Variants in GOLGA3 observed in about 807,000 individuals in gnomAD.
GOLGA3 encodes golgin A3.
A neutral mutation model predicts 169.4 loss-of-function variants in GOLGA3; 75 were observed. The observed-to-expected ratio is 0.44, with a 90% CI of 0.37 to 0.54. GOLGA3 has a LOEUF of 0.54. Among genes scored for constraint, GOLGA3 ranks in the 20% least tolerant of loss-of-function variants. The pLI, the probability that GOLGA3 is intolerant of heterozygous loss-of-function variation, is 0.00. For synonymous variants in GOLGA3, 824 were observed against 822.4 expected, an observed-to-expected ratio of 1.00 and a Z score of -0.03; for missense variants, 1,899 against 1,930.0, an observed-to-expected ratio of 0.98 and a Z score of 0.30.
intron 15 of GOLGA3, among the ~76,000 whole-genome samples, chr12:132,785,430 T>G (rs1432581777): frequency 1.3e-5 from 2 of 152,248 alleles, no homozygotes; most frequent in African/African-American, 2.4e-5. Flanking sequence ...CCCACCTCAG[T>G]GTCTCAAGCA....
intron 12 of GOLGA3, 52 bp from the exon 13 acceptor site, chr12:132,789,342 C>A (rs750276933): frequency 6.8e-7 from 1 of 1,477,100 alleles, no homozygotes; most frequent in Admixed American, 2.2e-5. Flanking sequence ...GCGTGGGGGG[C>A]GTACCTGGGG....
intron 8 of GOLGA3, among the ~76,000 whole-genome samples, chr12:132,801,499 T>C (rs1361644348): frequency 7.9e-5 from 12 of 151,998 alleles, no homozygotes; most frequent in Non-Finnish European, 1.6e-4. Flanking sequence ...CACCGGCATG[T>C]GTCACCATGC....
chr12:132,812,030 A>G (rs1401444580), intron 4 of GOLGA3, among the ~76,000 whole-genome samples: 2 of 150,150 alleles, frequency 1.3e-5, no homozygotes, highest in East Asian at 3.9e-4. Flanking sequence ...AAAACATTAA[A>G]AAAAAAAAGT....
intron 1 of GOLGA3, chr12:132,825,842 A>G (rs757547512): frequency 1.1e-5 from 11 of 1,034,744 alleles, no homozygotes; most frequent in African/African-American, 7.8e-5. Context: ...CAAGACACCC[A>G]AAGAGGCTAC....
chr12:132,807,341 A>C, intron 5 of GOLGA3, 53 bp from the exon 6 acceptor site: 1 of 892,028 alleles, frequency 1.1e-6, no homozygotes, highest in Non-Finnish European at 1.7e-6. Context: ...ATTTTCTTTC[A>C]CACTCCTCCA....
In GOLGA3 at chr12:132,778,464, A is replaced by G. The variant is rs575216259; in HGVS notation, c.3583-659T>C. 4.3e-3 allele frequency among the ~76,000 whole-genome samples: 638 copies of G among 150,104 alleles called. 3 individuals are homozygous for G. Among genetic ancestry groups the G allele is most frequent in the Non-Finnish European group, 6.6e-3 (449 of 67,562 alleles). On this transcript the variant is annotated intron_variant, in intron 18 of 23. Transcript: ENST00000450791. Reference sequence around the variant, plus strand: ...CGGGCACCTGTAGTCCCAGCTACTCAGGAGGCTGAGGCAGGAGAATGGCGT... The same window carrying G: ...CGGGCACCTGTAGTCCCAGCTACTCGGGAGGCTGAGGCAGGAGAATGGCGT...
chr12:132,789,663 G>A (rs1593275053), intron 12 of GOLGA3, among the ~76,000 whole-genome samples: 1 of 68,766 alleles, frequency 1.5e-5, no homozygotes, highest in African/African-American at 4.3e-5. Context: ...CCGCTTCAGG[G>A]GCCGCCCTTG....
In GOLGA3 at chr12:132,773,041, T is replaced by TCAAATAAATAA; in HGVS notation, c.*53_*63dup. The TCAAATAAATAA allele has an allele frequency of 8.6e-7, 1 of 1,168,150 alleles. No individual in the cohort carries two copies. Among genetic ancestry groups the TCAAATAAATAA allele is most frequent in the Non-Finnish European group, 1.2e-6 (1 of 848,616 alleles). 72.4% of individuals were successfully genotyped at this position (1,168,150 alleles called of 1,614,324 possible). A position where few individuals can be genotyped will look rare whatever the true frequency, so the allele number is the denominator to read the frequency against. ...TCTTAGAAAAACATCGACCACACAA[T>TCAAATAAATAA]CAAATAAATAACATTGATAAGAGCC... On this transcript the variant is annotated 3_prime_UTR_variant, in exon 24 of 24. Transcript: ENST00000450791.
In GOLGA3 at chr12:132,796,167, C is replaced by T; in HGVS notation, c.2154G>A (p.Glu718=). ...RDQQLEALQQ[E]HLDLMKQLTL... is the part of the protein sequence containing the mutation. ...TGAGCTGTTTCATCAGGTCCAGGTG[C>T]TCCTGCTGCAAAGCCTCAAGCTGCT... is the stretch of plus-strand genomic sequence containing the variant. Residue 718 remains glutamate, a synonymous_variant, in exon 11 of 24, where the codon GAG becomes GAA. Coordinates refer to ENST00000450791, the MANE Select transcript of GOLGA3 (RefSeq NM_001389683.1). The T allele has an allele frequency of 6.2e-7, 1 of 1,605,880 alleles. No homozygotes were observed. Among genetic ancestry groups the T allele is most frequent in the Non-Finnish European group, 8.5e-7 (1 of 1,174,542 alleles).
In GOLGA3 at chr12:132,772,175, T is replaced by A. The variant is rs1027074968; in HGVS notation, c.*930A>T. ...ATCCCTAAATCCTGCAGGTAAATTA[T>A]TCCCAACAAATTTTCAAAAGGCAAT... On this transcript the variant is annotated 3_prime_UTR_variant, in exon 24 of 24. Transcript: ENST00000450791. 8 of 152,372 alleles carry A rather than the reference T, an allele frequency of 5.3e-5. No homozygotes were observed. The highest frequency in any genetic ancestry group is 2.0e-4 in the Admixed American group (3 of 15,300). 9.4% of individuals were successfully genotyped at this position (152,372 alleles called of 1,614,324 possible).
At chr12:132,775,589 G>C (rs1216596246) in intron 21 of GOLGA3, among the ~76,000 whole-genome samples, 2 of 152,144 alleles carry the variant, frequency 1.3e-5, no homozygotes, top group Non-Finnish European at 2.9e-5. Flanking sequence ...TCAGATTTTG[G>C]ATTTTTGTTC....
Position 132,804,643 on chromosome 12 carries a change from G to T in GOLGA3, c.1597+73C>A. 1 of 1,256,462 alleles carries T rather than the reference G, an allele frequency of 8.0e-7. No homozygotes were observed. The highest frequency in any genetic ancestry group is 2.3e-4 in the Middle Eastern group (1 of 4,390). The allele number at this position is 1,256,462 out of a possible 1,614,324, so 77.8% of individuals were successfully genotyped here. ...AGGGAAGGAGGAGGGCGTGGCGGGG[G>T]CCAGTCGAGGAAGGAGGAGGGAGCA... is the stretch of plus-strand genomic sequence containing the variant. On this transcript the variant is annotated intron_variant, in intron 7 of 23. Transcript: ENST00000450791. This position sits in a 1 kb window ranked among gnomAD's most constrained non-coding sequence, Gnocchi z 4.1.
At chr12:132,814,719 G>C (rs1400663059) in intron 3 of GOLGA3, among the ~76,000 whole-genome samples, 1 of 152,222 alleles carries the variant, frequency 6.6e-6, no homozygotes, top group Non-Finnish European at 1.5e-5. Context: ...CTGGGGGCGG[G>C]TTACCTCAGT....
chr12:132,774,819 G>A (rs576132731), intron 22 of GOLGA3: 12 of 472,264 alleles, frequency 2.5e-5, no homozygotes, highest in East Asian at 1.7e-4. Context: ...ACCGCCGGGC[G>A]CCTGGGCACA....
At position 132,786,731 on chromosome 12, in the gene GOLGA3, C is replaced by A; in HGVS notation, c.2868G>T (p.Leu956=). ...GCTGCAACTCTTCGATTTGTTTCTT[C>A]AGCGCCTCATTGGCCTCTGTGACCG... The part of the protein sequence containing the change: ...MVAVTEANEA[L]KKQIEELQQE... The change falls in exon 14 of 24, where the codon CTG becomes CTT. Residue 956 remains leucine, a synonymous_variant. Coordinates refer to ENST00000450791, the MANE Select transcript of GOLGA3 (RefSeq NM_001389683.1). 6.3e-7 allele frequency: 1 copy of A among 1,598,564 alleles called. No individual in the cohort carries two copies. Among genetic ancestry groups the A allele is most frequent in the Non-Finnish European group, 8.5e-7 (1 of 1,173,924 alleles).
chr12:132,819,835 T>C (rs1445940716), intron 2 of GOLGA3, among the ~76,000 whole-genome samples: 2 of 152,112 alleles, frequency 1.3e-5, no homozygotes, highest in Non-Finnish European at 2.9e-5. Context: ...AGGCCAGGAA[T>C]TCAAGACCAG....
In GOLGA3 at chr12:132,790,012, G is replaced by A. The variant is rs375894338; in HGVS notation, c.2548-722C>T. ...AGCACTACTGCACTCCAGCCCGGGC[G>A]ACACAGCCAGACTCTGTCTCAAAAA... is the stretch of plus-strand genomic sequence containing the variant. On this transcript the variant is annotated intron_variant, in intron 12 of 23. Coordinates refer to ENST00000450791, the MANE Select transcript of GOLGA3 (RefSeq NM_001389683.1). 1.1e-4 allele frequency among the ~76,000 whole-genome samples: 16 copies of A among 148,940 alleles called. No homozygotes were observed. The East Asian group carries it at 1.4e-3, about 13-fold the overall frequency.
intron 23 of GOLGA3, among the ~76,000 whole-genome samples, chr12:132,773,811 T>C (rs1418952703): frequency 2.4e-5 from 3 of 123,598 alleles, no homozygotes; most frequent in Non-Finnish European, 3.2e-5. Flanking sequence ...TCCCCCTTTA[T>C]ATAAACCTCA....
At chr12:132,820,480 T>C (rs1950160838) in intron 2 of GOLGA3, among the ~76,000 whole-genome samples, 1 of 152,208 alleles carries the variant, frequency 6.6e-6, no homozygotes, top group South Asian at 2.1e-4. Context: ...CTCTTGATCT[T>C]GGGCCTCTAA....
Sources: allele counts gnomAD v4.1 joint callset (sites outside exome capture counted in the v4.1 genomes callset), GRCh38; gene constraint gnomAD v4.1.1; non-coding constraint Gnocchi (gnomAD v3.1); transcripts MANE v1.5; gene names NCBI Gene and HGNC (gene_info 2026-07-23, HGNC 2026-07-21).